Variants in DERA observed in about 807,000 individuals in gnomAD.
DERA encodes the protein deoxyribose-phosphate aldolase.
A neutral mutation model predicts 41.1 loss-of-function variants in DERA; 15 were observed. The ratio of observed to expected loss-of-function variants is 0.37; its 90% CI spans 0.24 to 0.56. DERA has a LOEUF of 0.56. DERA is among the 20% of genes least tolerant of loss of function. The pLI, the probability that DERA is intolerant of heterozygous loss-of-function variation, is 0.81. For missense variants in DERA, 396 were observed against 403.4 expected (o/e 0.98, Z 0.16); for synonymous variants, 139 against 137.4 (o/e 1.01, Z -0.08).
chr12:15,996,823 T>G lies in DERA; in HGVS notation c.637+14387T>G, dbSNP rs1028898568. 6.6e-6 allele frequency among the ~76,000 whole-genome samples: 1 copy of G among 152,188 alleles called. No homozygotes were observed. Among genetic ancestry groups the G allele is most frequent in the Non-Finnish European group, 1.5e-5 (1 of 68,032 alleles). On this transcript the variant is annotated intron_variant, in intron 6 of 8. Coordinates refer to ENST00000428559, the MANE Select transcript of DERA (RefSeq NM_015954.4). The surrounding 1 kb of genome is among the most constrained non-coding windows in gnomAD (Gnocchi z 4.7). ...CTTGAATTCAGGTACAAAAGATTGA[T>G]TTTTCCCTCTCAGCAATGTTGAATG...
At position 15,918,349 on chromosome 12, in the gene DERA, A is replaced by C. The variant is rs1223453863; in HGVS notation, c.31+6935A>C. ...TACCCTGCTTGCGCTTCCACTCCCT[A>C]TGTCTTGCTCCCGCTTTGTGCAGAT... On this transcript the variant is annotated intron_variant, in intron 1 of 8. Transcript: ENST00000428559. This position sits in a 1 kb window ranked among gnomAD's most constrained non-coding sequence, Gnocchi z 4.3. Among the ~76,000 whole-genome samples, 1 of 151,634 alleles carries C rather than the reference A, an allele frequency of 6.6e-6. No homozygotes were observed. The highest frequency in any genetic ancestry group is 1.5e-5 in the Non-Finnish European group (1 of 67,910).
Position 15,954,497 on chromosome 12 carries a change from A to G in DERA, c.32-2439A>G, listed in dbSNP as rs1015021668. Among the ~76,000 whole-genome samples, 7 of 152,168 alleles carry G rather than the reference A, an allele frequency of 4.6e-5. No homozygotes were observed. Among genetic ancestry groups the G allele is most frequent in the Non-Finnish European group, 1.0e-4 (7 of 68,038 alleles). On this transcript the variant is annotated intron_variant, in intron 1 of 8. Transcript: ENST00000428559. The surrounding 1 kb of genome is among the most constrained non-coding windows in gnomAD (Gnocchi z 4.0). The stretch of plus-strand genomic sequence containing the variant: ...CATTTGAATCGACTCTTAAAGGATG[A>G]GCAGCAGTTCACTGTTCGCAAAGCA...
At chr12:15,926,736 CAAAAAG>C in intron 1 of DERA, among the ~76,000 whole-genome samples, 1 of 25,150 alleles carries the variant, frequency 4.0e-5, no homozygotes, top group African/African-American at 1.0e-4. Context: ...GACTCCGTCT[CAAAAAG>C]AAAAAAAAAA....
rs146946342 is a variant in DERA at position 15,976,946 on chromosome 12, G to C, written c.509-5362G>C. The stretch of plus-strand genomic sequence containing the variant: ...TACCCTGGTTTTCTTCCCATCCAGG[G>C]GGCTAAAAGAGCAATTTAGAGATCA... On this transcript the variant is annotated intron_variant, in intron 5 of 8. Transcript: ENST00000428559. This position sits in a 1 kb window ranked among gnomAD's most constrained non-coding sequence, Gnocchi z 4.1. Among the ~76,000 whole-genome samples the C allele has an allele frequency of 1.6e-4, 24 of 151,990 alleles. No homozygotes were observed. In the East Asian group the frequency reaches 4.7e-3, roughly 30 times the overall value.
intron 7 of DERA, among the ~76,000 whole-genome samples, chr12:16,033,983 G>A (rs1013309613): frequency 1.3e-5 from 2 of 152,174 alleles, no homozygotes; most frequent in Non-Finnish European, 2.9e-5. Context: ...TAGATAAGCT[G>A]TAAAAATGAT....
Position 15,940,206 on chromosome 12 carries a change from A to T in DERA, c.32-16730A>T, listed in dbSNP as rs1948399008. On this transcript the variant is annotated intron_variant, in intron 1 of 8. Transcript: ENST00000428559. The surrounding 1 kb of genome is among the most constrained non-coding windows in gnomAD (Gnocchi z 5.1). The stretch of plus-strand genomic sequence containing the variant: ...TAGACTTCCGGTTTTTTTATTTGAT[A>T]AATTAGATTTTTAAAATGAGTCAAT... Among the ~76,000 whole-genome samples, 1 of 152,182 alleles carries T rather than the reference A, an allele frequency of 6.6e-6. No individual in the cohort carries two copies. Among genetic ancestry groups the T allele is most frequent in the South Asian group, 2.1e-4 (1 of 4,830 alleles).
intron 6 of DERA, among the ~76,000 whole-genome samples, chr12:16,007,025 G>A (rs749548565): frequency 6.6e-6 from 1 of 152,056 alleles, no homozygotes; most frequent in East Asian, 1.9e-4. Context: ...ACAGTACCTC[G>A]CCGATAGTAA....
At position 15,954,185 on chromosome 12, in the gene DERA, C is replaced by G. The variant is rs1448900342; in HGVS notation, c.32-2751C>G. On this transcript the variant is annotated intron_variant, in intron 1 of 8. Transcript: ENST00000428559. This position sits in a 1 kb window ranked among gnomAD's most constrained non-coding sequence, Gnocchi z 4.0. ...CAGTCCCATATTTTCTTGTAGAGATCCAAAAGCCCTTTCTAGTCTGAAGCA... is the reference window on the plus strand; with the variant it reads ...CAGTCCCATATTTTCTTGTAGAGATGCAAAAGCCCTTTCTAGTCTGAAGCA... Among the ~76,000 whole-genome samples the G allele has an allele frequency of 6.6e-6, 1 of 152,166 alleles. No individual in the cohort carries two copies. The highest frequency in any genetic ancestry group is 2.4e-5 in the African/African-American group (1 of 41,434).
In DERA at chr12:16,000,099, T is replaced by C. The variant is rs781595600; in HGVS notation, c.637+17663T>C. ...TGATTGTGCTTGGTGAGTGATTGCA[T>C]GCTGAGCAGGGAAGGGAAGGGCAGA... On this transcript the variant is annotated intron_variant, in intron 6 of 8. Coordinates refer to ENST00000428559, the MANE Select transcript of DERA (RefSeq NM_015954.4). This position sits in a 1 kb window ranked among gnomAD's most constrained non-coding sequence, Gnocchi z 4.8. Among the ~76,000 whole-genome samples the C allele has an allele frequency of 1.3e-5, 2 of 152,144 alleles. No homozygotes were observed. Among genetic ancestry groups the C allele is most frequent in the Non-Finnish European group, 2.9e-5 (2 of 68,016 alleles).
rs1470873777 is a variant in DERA at position 16,036,328 on chromosome 12, C to T, written c.847C>T (p.Pro283Ser). 1 of 1,613,550 alleles carries T rather than the reference C, an allele frequency of 6.2e-7. No homozygotes were observed. Among genetic ancestry groups the T allele is most frequent in the Admixed American group, 1.7e-5 (1 of 59,984 alleles). The change falls in exon 8 of 9, where the codon CCA (proline) becomes TCA (serine). Residue 283 changes from proline to serine, a missense_variant. Transcript: ENST00000428559. This position sits in a 1 kb window ranked among gnomAD's most constrained non-coding sequence, Gnocchi z 4.9. Reference protein sequence around the residue: ...KEELGDEWLKPELFRIGASTL... With the variant: ...KEELGDEWLKSELFRIGASTL... ...GGAGCTTGGAGATGAGTGGCTGAAGCCAGAACTCTTTCGAATAGGTGCCAG... is the reference window on the plus strand; with the variant it reads ...GGAGCTTGGAGATGAGTGGCTGAAGTCAGAACTCTTTCGAATAGGTGCCAG...
Position 15,943,281 on chromosome 12 carries a change from A to T in DERA, c.32-13655A>T, listed in dbSNP as rs192539255. Among the ~76,000 whole-genome samples the T allele has an allele frequency of 1.7e-3, 265 of 152,348 alleles. 2 individuals are homozygous for T. Among genetic ancestry groups the T allele is most frequent in the Non-Finnish European group, 8.4e-4 (57 of 68,028 alleles). ...GTTTGAAGACAAATTTTAAACGCAGAGTAGAAAAGCAATAGTCAGTTGATT... is the reference window on the plus strand; with the variant it reads ...GTTTGAAGACAAATTTTAAACGCAGTGTAGAAAAGCAATAGTCAGTTGATT... On this transcript the variant is annotated intron_variant, in intron 1 of 8. Coordinates refer to ENST00000428559, the MANE Select transcript of DERA (RefSeq NM_015954.4). The surrounding 1 kb of genome is among the most constrained non-coding windows in gnomAD (Gnocchi z 4.5).
chr12:15,955,985 C>T (rs930121131), intron 1 of DERA, among the ~76,000 whole-genome samples: 1 of 152,050 alleles, frequency 6.6e-6, no homozygotes, highest in Non-Finnish European at 1.5e-5. Context: ...TGTTCATGTC[C>T]GATTTACCGT....
chr12:15,944,906 C>A (rs371820237), intron 1 of DERA, among the ~76,000 whole-genome samples: 11 of 152,022 alleles, frequency 7.2e-5, no homozygotes, highest in African/African-American at 1.9e-4. Flanking sequence ...TAATTTTTGT[C>A]TAAGGTGTAA....
intron 4 of DERA, among the ~76,000 whole-genome samples, chr12:15,961,335 A>G (rs994421041): frequency 1.2e-4 from 19 of 152,180 alleles, no homozygotes; most frequent in Admixed American, 1.0e-3. Flanking sequence ...ATATAAAATT[A>G]GATTCTAGTT....
rs1238637096 is a variant in DERA, at chr12:15,992,799, T to TC, written c.637+10364dup. 2.6e-5 allele frequency among the ~76,000 whole-genome samples: 4 copies of TC among 152,304 alleles called. No homozygotes were observed. The highest frequency in any genetic ancestry group is 9.6e-5 in the African/African-American group (4 of 41,584). On this transcript the variant is annotated intron_variant, in intron 6 of 8. Coordinates refer to ENST00000428559, the MANE Select transcript of DERA (RefSeq NM_015954.4). This position sits in a 1 kb window ranked among gnomAD's most constrained non-coding sequence, Gnocchi z 4.3. ...GAATGTAGAAAAGTGGCTTTATCTTTCAGTAGCGGTGGACTGTTCGCACAC... is the reference window on the plus strand; with the variant it reads ...GAATGTAGAAAAGTGGCTTTATCTTTCCAGTAGCGGTGGACTGTTCGCACAC...
At chr12:15,920,005 T>A (rs969328757) in intron 1 of DERA, among the ~76,000 whole-genome samples, 22 of 151,482 alleles carry the variant, frequency 1.5e-4, no homozygotes, top group African/African-American at 5.1e-4. Flanking sequence ...TGTGTGTGTG[T>A]GAGAGAGAAA....
intron 1 of DERA, among the ~76,000 whole-genome samples, chr12:15,917,425 T>C (rs1418279736): frequency 6.6e-6 from 1 of 152,368 alleles, no homozygotes; most frequent in East Asian, 1.9e-4. Context: ...ATCTAATTTT[T>C]TTCTCTTTAA....
intron 5 of DERA, among the ~76,000 whole-genome samples, chr12:15,975,301 C>A (rs913554379): frequency 6.6e-6 from 1 of 151,294 alleles, no homozygotes; most frequent in Non-Finnish European, 1.5e-5. Context: ...ATTATTTGAA[C>A]CTGTCCTCTT....
At chr12:15,949,844 C>A (rs1948483734) in intron 1 of DERA, among the ~76,000 whole-genome samples, 1 of 152,202 alleles carries the variant, frequency 6.6e-6, no homozygotes, top group Admixed American at 6.5e-5. Context: ...TTGGAACCAC[C>A]TACCTGTTTC....
Sources: gnomAD v4.1 joint callset for allele counts (sites outside exome capture counted in the v4.1 genomes callset) on GRCh38, gnomAD v4.1.1 for gene constraint, Gnocchi (gnomAD v3.1) non-coding constraint, MANE v1.5 for transcripts, NCBI Gene and HGNC (gene_info 2026-07-23, HGNC 2026-07-21) for gene names.